The following DOCK3 variants were observed in gnomAD, a reference collection of about 807,000 sequenced individuals.
The protein encoded by DOCK3 is dedicator of cytokinesis 3, also known as dedicator of cytokinesis protein 3.
DOCK3 carries 60 observed loss-of-function variants against 265.6 expected under a neutral mutation model. That is an observed-to-expected ratio of 0.23 (90% CI 0.18 to 0.28). DOCK3 has a LOEUF of 0.28. DOCK3 is among the 10% of genes least tolerant of loss of function. DOCK3 has a pLI of 1.00. For missense variants in DOCK3, 1,981 were observed against 2,594.3 expected (o/e 0.76, Z 5.14); for synonymous variants, 881 against 938.0 (o/e 0.94, Z 1.11).
chr3:50,902,931 G>A (rs1046974760), intron 4 of DOCK3, among the ~76,000 whole-genome samples: 4 of 152,124 alleles, frequency 2.6e-5, no homozygotes, highest in African/African-American at 9.7e-5. Context: ...TCTCTTTGTA[G>A]CAGTTGTGAA....
intron 35 of DOCK3, 65 bp from the exon 36 acceptor site, chr3:51,338,294 C>T: frequency 6.6e-7 from 1 of 1,526,252 alleles, no homozygotes. Context: ...AGTGATAGTA[C>T]AGTTCTATGT....
intron 2 of DOCK3, among the ~76,000 whole-genome samples, chr3:50,826,656 T>A (rs928299227): frequency 6.6e-6 from 1 of 152,132 alleles, no homozygotes; most frequent in Non-Finnish European, 1.5e-5. Flanking sequence ...ACCATTAATA[T>A]CCTCTGAGAG....
intron 22 of DOCK3, among the ~76,000 whole-genome samples, chr3:51,256,373 T>C (rs1576562810): frequency 6.6e-6 from 1 of 152,084 alleles, no homozygotes; most frequent in East Asian, 1.9e-4. Flanking sequence ...TGGGTTTAAG[T>C]GATTCTCCTG....
At chr3:51,011,445 T>C (rs1258826646) in intron 5 of DOCK3, among the ~76,000 whole-genome samples, 1 of 152,230 alleles carries the variant, frequency 6.6e-6, no homozygotes, top group African/African-American at 2.4e-5. Flanking sequence ...ATTCGTCACA[T>C]AGTTTTCCTG....
intron 5 of DOCK3, among the ~76,000 whole-genome samples, chr3:51,027,062 ATCTT>A (rs943864440): frequency 6.6e-6 from 1 of 151,772 alleles, no homozygotes; most frequent in Admixed American, 6.6e-5. Flanking sequence ...TTAATTTGAG[ATCTT>A]TCTATCTTCT....
At chr3:51,206,563 A>T (rs2089222229) in intron 12 of DOCK3, among the ~76,000 whole-genome samples, 1 of 149,264 alleles carries the variant, frequency 6.7e-6, no homozygotes, top group Non-Finnish European at 1.5e-5. Flanking sequence ...TGAATCCTTT[A>T]AAAAAAAAAG....
At chr3:51,066,421 C>T (rs1270752834) in intron 6 of DOCK3, among the ~76,000 whole-genome samples, 2 of 152,162 alleles carry the variant, frequency 1.3e-5, no homozygotes, top group African/African-American at 4.8e-5. Context: ...AATAGTTCCT[C>T]TCACAAAAGA....
chr3:51,227,021 T>C (rs2090357467), intron 15 of DOCK3, among the ~76,000 whole-genome samples: 1 of 152,202 alleles, frequency 6.6e-6, no homozygotes, highest in African/African-American at 2.4e-5. Flanking sequence ...ACCACCCTGC[T>C]TCTCTCTGTT....
Position 51,275,221 on chromosome 3 carries a change from C to G in DOCK3, c.2676+15C>G. 1.2e-6 allele frequency: 2 copies of G among 1,613,630 alleles called. No homozygotes were observed. Among genetic ancestry groups the G allele is most frequent in the Non-Finnish European group, 1.7e-6 (2 of 1,179,802 alleles). On this transcript the variant is annotated intron_variant, in intron 25 of 52. Transcript: ENST00000266037. ...CCAGCTCTCTGGTAGTGGCCCCACA[C>G]CCACTCCACCCTGTTCAGCTCTTCC...
rs80280399 is a variant in DOCK3 at position 51,273,864 on chromosome 3, A to G, written c.2549-1215A>G. On this transcript the variant is annotated intron_variant, in intron 24 of 52. Transcript: ENST00000266037. ...ATGATGGGACCTGCAGAGTCACACA[A>G]TCACTGACCACGTAGGAATACAGGG... is the stretch of plus-strand genomic sequence containing the variant. Among the ~76,000 whole-genome samples the G allele has an allele frequency of 7.2e-5, 11 of 152,362 alleles. No homozygotes were observed. The East Asian group carries it at 1.9e-3, about 27-fold the overall frequency.
At chr3:51,218,903 C>T (rs2089941773) in intron 14 of DOCK3, among the ~76,000 whole-genome samples, 1 of 152,166 alleles carries the variant, frequency 6.6e-6, no homozygotes, top group African/African-American at 2.4e-5. Flanking sequence ...TGGCAATTTG[C>T]ATCTCTCACA....
chr3:51,315,294 T>C (rs1327862561), intron 32 of DOCK3, among the ~76,000 whole-genome samples, 166 bp downstream of exon 32: 1 of 152,198 alleles, frequency 6.6e-6, no homozygotes, highest in Non-Finnish European at 1.5e-5. Context: ...AATTGATTTG[T>C]GGATTTTCTC....
intron 9 of DOCK3, among the ~76,000 whole-genome samples, chr3:51,097,323 A>G (rs577169841): frequency 1.3e-5 from 2 of 152,268 alleles, no homozygotes; most frequent in Admixed American, 6.5e-5. Flanking sequence ...AGGAATCTAG[A>G]GAGGCAGTCT....
At position 51,061,708 on chromosome 3, in the gene DOCK3, A is replaced by G. The variant is rs867523627; in HGVS notation, c.316-2740A>G. 5.9e-5 allele frequency among the ~76,000 whole-genome samples: 9 copies of G among 152,092 alleles called. No individual in the cohort carries two copies. In the South Asian group the frequency reaches 1.5e-3, roughly 25 times the overall value. On this transcript the variant is annotated intron_variant, in intron 5 of 52. Transcript: ENST00000266037. ...GAACATGTACCCTAAAACTTAAAGTATAATAAAAAAAAAAGCCATGAAAAG... is the reference window on the plus strand; with the variant it reads ...GAACATGTACCCTAAAACTTAAAGTGTAATAAAAAAAAAAGCCATGAAAAG...
intron 5 of DOCK3, among the ~76,000 whole-genome samples, chr3:51,046,449 G>T (rs71329041): frequency 0.019 from 2,849 of 152,236 alleles, 49 homozygotes; most frequent in Non-Finnish European, 0.027. Context: ...AGCTATATGT[G>T]TATCAGACAA....
intron 5 of DOCK3, among the ~76,000 whole-genome samples, chr3:51,049,813 ACACACACACACACACC>A (rs1245865110): frequency 1.4e-5 from 2 of 140,962 alleles, no homozygotes; most frequent in African/African-American, 2.6e-5. Context: ...ACACACACAC[ACACACACACACACACC>A]CCAAAAAAAC....
At chr3:51,360,070 T>C (rs2086621267) in intron 46 of DOCK3, among the ~76,000 whole-genome samples, 1 of 152,242 alleles carries the variant, frequency 6.6e-6, no homozygotes, top group Admixed American at 6.5e-5. Flanking sequence ...CCCAGGTCAC[T>C]AAGAGCTGGG....
At chr3:51,199,309 C>T (rs368027587) in intron 12 of DOCK3, among the ~76,000 whole-genome samples, 1 of 152,148 alleles carries the variant, frequency 6.6e-6, no homozygotes, top group African/African-American at 2.4e-5. Context: ...ACAGACGGCA[C>T]CTGGAAAATC....
At chr3:51,015,331 T>G (rs2079109712) in intron 5 of DOCK3, among the ~76,000 whole-genome samples, 1 of 152,042 alleles carries the variant, frequency 6.6e-6, no homozygotes, top group Admixed American at 6.6e-5. Flanking sequence ...TTTTAAAGAT[T>G]TTTATTATGA....
Sources: allele counts gnomAD v4.1 joint callset (sites outside exome capture counted in the v4.1 genomes callset), GRCh38; gene constraint gnomAD v4.1.1; transcripts MANE v1.5; gene names NCBI Gene and HGNC (gene_info 2026-07-23, HGNC 2026-07-21).